Variants in DAB1 observed in about 807,000 individuals in gnomAD.
DAB1 encodes the protein DAB adaptor protein 1.
A neutral mutation model predicts 64.6 loss-of-function variants in DAB1; 15 were observed. The observed-to-expected ratio is 0.23, with a 90% CI of 0.16 to 0.36. DAB1 has a LOEUF of 0.36. Ranked by LOEUF, DAB1 falls within the 10% of genes least tolerant of loss-of-function variation. The pLI, the probability that DAB1 is intolerant of heterozygous loss-of-function variation, is 1.00. For missense variants in DAB1, 596 were observed against 706.7 expected (o/e 0.84, Z 1.78); for synonymous variants, 235 against 251.9 (o/e 0.93, Z 0.64).
At chr1:58,433,015 C>T (rs1469953821) in intron 3 of DAB1, among the ~76,000 whole-genome samples, 1 of 152,236 alleles carries the variant, frequency 6.6e-6, no homozygotes. Flanking sequence ...CATACAGTAC[C>T]CGGAGGCGAG....
chr1:57,600,427 A>G (rs1047237090), intron 7 of DAB1, among the ~76,000 whole-genome samples: 13 of 152,350 alleles, frequency 8.5e-5, no homozygotes, highest in African/African-American at 3.1e-4. Flanking sequence ...TTTCATTTCC[A>G]GCCTTTCTAG....
chr1:58,150,616 G>T (rs376185258), intron 4 of DAB1: 5 of 151,484 alleles, frequency 3.3e-5, no homozygotes, highest in African/African-American at 1.2e-4. Flanking sequence ...AGTGGGAGCA[G>T]GTTGGGAGGC....
At chr1:57,767,644 C>A (rs546137289) in intron 6 of DAB1, among the ~76,000 whole-genome samples, 100 of 152,200 alleles carry the variant, frequency 6.6e-4, no homozygotes, top group Admixed American at 3.8e-3. Flanking sequence ...TGGTATCTGG[C>A]ATTATAGTGG....
chr1:58,119,387 G>C (rs1196621659), intron 5 of DAB1, among the ~76,000 whole-genome samples: 1 of 151,910 alleles, frequency 6.6e-6, no homozygotes, highest in Non-Finnish European at 1.5e-5. Flanking sequence ...TTTTACAGCA[G>C]AAATATTAAT....
intron 5 of DAB1, among the ~76,000 whole-genome samples, chr1:57,916,014 G>A (rs917873094): frequency 3.3e-5 from 5 of 152,222 alleles, no homozygotes; most frequent in Admixed American, 6.5e-5. Context: ...CTTCCAGCCT[G>A]CTGCCAGTTC....
intron 3 of DAB1, among the ~76,000 whole-genome samples, chr1:58,369,789 T>C (rs898533069): frequency 3.9e-5 from 6 of 152,266 alleles, no homozygotes; most frequent in African/African-American, 1.4e-4. Flanking sequence ...TCAAAACAAT[T>C]TGTATTTGAA....
chr1:57,302,296 G>A (rs549235113), intron 1 of DAB1, among the ~76,000 whole-genome samples: 5 of 151,970 alleles, frequency 3.3e-5, no homozygotes, highest in African/African-American at 1.2e-4. Flanking sequence ...GTATTTATTG[G>A]AACCATCTCA....
chr1:57,552,365 A>G (rs1005473699), intron 7 of DAB1, among the ~76,000 whole-genome samples: 6 of 152,176 alleles, frequency 3.9e-5, no homozygotes, highest in African/African-American at 1.2e-4. Context: ...TCTGCTTTCA[A>G]TTAACTCACT....
At chr1:58,487,211 G>C (rs944608566) in intron 3 of DAB1, among the ~76,000 whole-genome samples, 1 of 152,190 alleles carries the variant, frequency 6.6e-6, no homozygotes, top group Non-Finnish European at 1.5e-5. Flanking sequence ...GATTCTTAAT[G>C]TACTTGTTAA....
At chr1:57,638,087 T>G (rs1317050491) in intron 7 of DAB1, among the ~76,000 whole-genome samples, 1 of 152,186 alleles carries the variant, frequency 6.6e-6, no homozygotes, top group Non-Finnish European at 1.5e-5. Context: ...AAATGCATAA[T>G]GTAAAGACTA....
At chr1:57,301,580 T>G (rs902448286) in intron 1 of DAB1, among the ~76,000 whole-genome samples, 8 of 152,174 alleles carry the variant, frequency 5.3e-5, no homozygotes, top group African/African-American at 1.9e-4. Context: ...GTGAAAGGGA[T>G]TTTAAATAAA....
At chr1:58,250,453 GGCAGCGGTAGCAACA>G (rs1246193731) in intron 4 of DAB1, among the ~76,000 whole-genome samples, 1 of 152,230 alleles carries the variant, frequency 6.6e-6, no homozygotes, top group African/African-American at 2.4e-5. Context: ...TGGCAGCAGA[GGCAGCGGTAGCAACA>G]GCAGCAGTAG....
intron 2 of DAB1, among the ~76,000 whole-genome samples, chr1:57,172,852 G>C (rs1661920935): frequency 6.6e-6 from 1 of 152,108 alleles, no homozygotes; most frequent in Non-Finnish European, 1.5e-5. Context: ...CAGGAGATTT[G>C]GAGGGGTCAA....
chr1:57,890,461 T>TC (rs1209473719), intron 5 of DAB1, among the ~76,000 whole-genome samples: 1 of 150,760 alleles, frequency 6.6e-6, no homozygotes, highest in African/African-American at 2.4e-5. Flanking sequence ...CTTTTCTTTT[T>TC]TTTTTTTTTC....
At chr1:58,360,163 C>T (rs986744782) in intron 3 of DAB1, among the ~76,000 whole-genome samples, 3 of 152,128 alleles carry the variant, frequency 2.0e-5, no homozygotes, top group Admixed American at 6.6e-5. Context: ...TGTAAGCTAC[C>T]TATGAAAATG....
rs549898123 is a variant in DAB1 at position 58,483,654 on chromosome 1, C to T, written n.257+22406G>A. 7.0e-4 allele frequency among the ~76,000 whole-genome samples: 107 copies of T among 152,102 alleles called. 1 individual carries two copies. The highest frequency in any genetic ancestry group is 1.1e-3 in the Non-Finnish European group (73 of 68,032). On this transcript the variant is annotated intron_variant and non_coding_transcript_variant, in intron 3 of 20. Coordinates refer to the DAB1 transcript ENST00000485760. ...ACAAGAAAATGTTTCCCAACTATAG[C>T]ACTTACAGCACTTAAGTAAACAGAA... is the stretch of plus-strand genomic sequence containing the variant.
At chr1:57,802,450 T>A (rs1456122420) in intron 6 of DAB1, among the ~76,000 whole-genome samples, 2 of 152,088 alleles carry the variant, frequency 1.3e-5, no homozygotes, top group African/African-American at 4.8e-5. Context: ...AGGGAGAAGT[T>A]GAATTGGGAG....
chr1:57,830,821 T>A (rs1022068110), intron 1 of DAB1, among the ~76,000 whole-genome samples: 57 of 152,220 alleles, frequency 3.7e-4, no homozygotes, highest in Admixed American at 1.8e-3. Context: ...AGAGTGCATA[T>A]GTGACTAGAT....
chr1:58,213,544 T>G (rs1273494278), intron 4 of DAB1, among the ~76,000 whole-genome samples: 1 of 152,042 alleles, frequency 6.6e-6, no homozygotes, highest in African/African-American at 2.4e-5. Flanking sequence ...CACCAGATCA[T>G]GTGAGAACTC....
Sources: gnomAD v4.1 joint callset for allele counts (sites outside exome capture counted in the v4.1 genomes callset) on GRCh38, gnomAD v4.1.1 for gene constraint, MANE v1.5 for transcripts, NCBI Gene and HGNC (gene_info 2026-07-23, HGNC 2026-07-21) for gene names.